The following PSD3 variants were observed in gnomAD, a reference collection of about 807,000 sequenced individuals.
PSD3 encodes PH and SEC7 domain-containing protein 3.
Under a neutral mutation model 105.5 loss-of-function variants are expected in PSD3, and 49 were observed. The observed-to-expected ratio is 0.46, with a 90% CI of 0.37 to 0.59. The LOEUF (loss-of-function observed/expected upper bound fraction) is 0.59, where lower values mean the gene tolerates loss of function less well. Ranked by LOEUF, PSD3 falls within the 20% of genes least tolerant of loss-of-function variation. PSD3 has a pLI of 0.00. For missense variants in PSD3, 1,561 were observed against 1,263.8 expected (o/e 1.24, Z -3.57); for synonymous variants, 557 against 457.8 (o/e 1.22, Z -2.77).
At chr8:18,981,554 G>A (rs1184060354) in intron 1 of PSD3, among the ~76,000 whole-genome samples, 1 of 152,192 alleles carries the variant, frequency 6.6e-6, no homozygotes, top group Non-Finnish European at 1.5e-5. Flanking sequence ...TTCCTGTTAA[G>A]ATTCTGTATA....
At chr8:18,634,177 C>T (rs1018416439) in intron 10 of PSD3, among the ~76,000 whole-genome samples, 1 of 151,934 alleles carries the variant, frequency 6.6e-6, no homozygotes, top group African/African-American at 2.4e-5. Context: ...GCCAGATTAA[C>T]AGTTTGCAAA....
intron 7 of PSD3, chr8:18,801,051 G>C (rs918669287): frequency 8.2e-6 from 3 of 367,574 alleles, no homozygotes; most frequent in African/African-American, 4.2e-5. Flanking sequence ...AATGACATGA[G>C]AAAATGCTCA....
At chr8:18,558,538 T>C (rs559715609) in intron 14 of PSD3, among the ~76,000 whole-genome samples, 4 of 152,270 alleles carry the variant, frequency 2.6e-5, no homozygotes, top group South Asian at 2.1e-4. Context: ...TACAGAAGTG[T>C]AGCCGGGTGT....
intron 11 of PSD3, among the ~76,000 whole-genome samples, chr8:18,625,241 G>T (rs1045907648): frequency 6.6e-6 from 1 of 151,178 alleles, no homozygotes; most frequent in African/African-American, 2.5e-5. Context: ...AATTACGGAA[G>T]AATTTTTGCT....
chr8:18,769,907 T>C (rs335216), intron 8 of PSD3, among the ~76,000 whole-genome samples: 108,739 of 152,144 alleles, frequency 0.71, 39,209 homozygotes, highest in Middle Eastern at 0.77. Context: ...ACTATTTTCT[T>C]TTTTTGGCTA....
At chr8:18,949,901 G>T (rs78729887) in intron 1 of PSD3, among the ~76,000 whole-genome samples, 19,307 of 152,088 alleles carry the variant, frequency 0.13, 1,358 homozygotes, top group Non-Finnish European at 0.17. Flanking sequence ...AATTTAAAAT[G>T]ATATAGAAAA....
At chr8:18,940,343 C>A (rs1822451971) in intron 1 of PSD3, 1 of 152,226 alleles carries the variant, frequency 6.6e-6, no homozygotes, top group Admixed American at 6.5e-5. Context: ...ACTCCGCATT[C>A]CTAAAAGTTC....
In PSD3 at chr8:19,031,205, G is replaced by A. The variant is rs184698107; in HGVS notation, c.324+53001C>T. The stretch of plus-strand genomic sequence containing the variant: ...GACATTCACCAACATATTTTGTCAA[G>A]TAAGCAAGAAATAAATTTCTATTGT... On this transcript the variant is annotated intron_variant, in intron 1 of 1. Transcript: ENST00000521475. Among the ~76,000 whole-genome samples the A allele has an allele frequency of 2.0e-5, 3 of 152,274 alleles. No individual in the cohort carries two copies. In the East Asian group the frequency reaches 5.8e-4, roughly 29 times the overall value.
chr8:18,892,814 G>A lies in PSD3; in HGVS notation c.131-20081C>T, dbSNP rs1161137175. On this transcript the variant is annotated intron_variant, in intron 2 of 15. Coordinates refer to ENST00000327040, the MANE Select transcript of PSD3 (RefSeq NM_015310.4). ...TAACTTTTGTATTTTTAGTAGAGAC[G>A]AGTTTTCACCATGTTGGCCAGGCTG... is the stretch of plus-strand genomic sequence containing the variant. Among the ~76,000 whole-genome samples the A allele has an allele frequency of 2.0e-5, 3 of 151,478 alleles. No individual in the cohort carries two copies. In the East Asian group the frequency reaches 5.9e-4, roughly 30 times the overall value.
At chr8:18,591,215 T>C (rs902619094) in intron 12 of PSD3, among the ~76,000 whole-genome samples, 1 of 152,140 alleles carries the variant, frequency 6.6e-6, no homozygotes, top group African/African-American at 2.4e-5. Flanking sequence ...GAAGCTAGCA[T>C]GCCTCAGCAC....
At chr8:18,557,199 T>C (rs970519426) in intron 14 of PSD3, among the ~76,000 whole-genome samples, 1 of 152,224 alleles carries the variant, frequency 6.6e-6, no homozygotes, top group South Asian at 2.1e-4. Context: ...CTGTTCTAGT[T>C]TCACATGCAA....
At chr8:18,716,049 G>A (rs1802564782) in intron 9 of PSD3, among the ~76,000 whole-genome samples, 1 of 152,238 alleles carries the variant, frequency 6.6e-6, no homozygotes. Context: ...CATAACGGCA[G>A]GAGTGGGTGA....
In PSD3 at chr8:18,889,977, T is replaced by A. The variant is rs77562535; in HGVS notation, c.131-17244A>T. Among the ~76,000 whole-genome samples the A allele has an allele frequency of 1.9e-4, 29 of 152,284 alleles. 1 individual carries two copies. In the East Asian group the frequency reaches 5.2e-3, roughly 27 times the overall value. On this transcript the variant is annotated intron_variant, in intron 2 of 15. Coordinates refer to ENST00000327040, the MANE Select transcript of PSD3 (RefSeq NM_015310.4). ...GATATAATGTGTTATTTCTAAAAAA[T>A]TTCAAATAAAGTAATATAAACAGGC... is the stretch of plus-strand genomic sequence containing the variant.
chr8:18,947,562 T>C (rs752123898), intron 1 of PSD3, among the ~76,000 whole-genome samples: 5 of 152,016 alleles, frequency 3.3e-5, no homozygotes, highest in Non-Finnish European at 7.4e-5. Context: ...CCATATGGGG[T>C]GGCGGGGGGC....
intron 9 of PSD3, chr8:18,734,125 T>C (rs919339181): frequency 6.6e-5 from 10 of 152,208 alleles, no homozygotes; most frequent in African/African-American, 2.2e-4. Context: ...TTGACAAACA[T>C]TGGTATCCAT....
At chr8:18,728,460 G>A (rs1379090381) in intron 9 of PSD3, among the ~76,000 whole-genome samples, 1 of 152,202 alleles carries the variant, frequency 6.6e-6, no homozygotes, top group Non-Finnish European at 1.5e-5. Flanking sequence ...GACTTGAAGG[G>A]TGAGTATGAG....
chr8:18,631,320 G>A (rs1034311560), intron 11 of PSD3, among the ~76,000 whole-genome samples: 11 of 151,998 alleles, frequency 7.2e-5, no homozygotes, highest in African/African-American at 2.7e-4. Flanking sequence ...CATTCTTACT[G>A]TCATTGCAAG....
chr8:18,594,281 ATAATATATAT>A lies in PSD3; in HGVS notation c.2481+6073_2481+6082del, dbSNP rs1803891069. On this transcript the variant is annotated intron_variant, in intron 12 of 15. Coordinates refer to ENST00000327040, the MANE Select transcript of PSD3 (RefSeq NM_015310.4). ...TAATATATATTATTATATATATTATATAATATATATTATATATAATAATATATATTATTAT... is the reference window on the plus strand; with the variant it reads ...TAATATATATTATTATATATATTATATATATATAATAATATATATTATTAT... Among the ~76,000 whole-genome samples the A allele has an allele frequency of 5.7e-5, 2 of 35,254 alleles. 1 individual carries two copies. Among genetic ancestry groups the A allele is most frequent in the African/African-American group, 2.4e-4 (2 of 8,254 alleles). The allele number at this position is 35,254 out of a possible 152,430, so 23.1% of individuals were successfully genotyped here.
chr8:19,011,748 C>A (rs920067272), intron 1 of PSD3, among the ~76,000 whole-genome samples: 3 of 149,342 alleles, frequency 2.0e-5, no homozygotes, highest in Admixed American at 1.3e-4. Context: ...ATTGGCAAAT[C>A]AAGCTTCTTA....
Sources: gnomAD v4.1 joint callset for allele counts (sites outside exome capture counted in the v4.1 genomes callset) on GRCh38, gnomAD v4.1.1 for gene constraint, MANE v1.5 for transcripts, NCBI Gene and HGNC (gene_info 2026-07-23, HGNC 2026-07-21) for gene names.